Variants in TYRO3 observed in about 807,000 individuals in gnomAD.
TYRO3 encodes tyrosine-protein kinase receptor TYRO3.
Under a neutral mutation model 95.2 loss-of-function variants are expected in TYRO3, and 38 were observed. The ratio of observed to expected loss-of-function variants is 0.40; its 90% CI spans 0.31 to 0.52. The LOEUF is 0.52. TYRO3 is among the 20% of genes least tolerant of loss of function. TYRO3 has a pLI of 0.56. For missense variants in TYRO3, 812 were observed against 1,116.4 expected, an observed-to-expected ratio of 0.73 and a Z score of 3.89; for synonymous variants, 367 against 432.9, an observed-to-expected ratio of 0.85 and a Z score of 1.89.
chr15:41,566,320 T>TAAAAAAAA (rs57924730), intron 6 of TYRO3, among the ~76,000 whole-genome samples: 4 of 40,952 alleles, frequency 9.8e-5, no homozygotes, highest in African/African-American at 4.8e-4. Context: ...CTGTCTCTAT[T>TAAAAAAAA]AAAAAAAAAA....
At chr15:41,571,166 GA>G (rs1250050342) in intron 13 of TYRO3, 48 bp downstream of exon 13, 2 of 1,578,564 alleles carry the variant, frequency 1.3e-6, no homozygotes, top group Admixed American at 1.7e-5. Flanking sequence ...GGAAGGGTAA[GA>G]GGGGCGACTG....
In TYRO3 at chr15:41,583,473, T is replaced by C. The variant is rs1221237530; in HGVS notation, c.*5197T>C. 6.6e-6 allele frequency: 1 copy of C among 152,218 alleles called. No homozygotes were observed. Among genetic ancestry groups the C allele is most frequent in the Non-Finnish European group, 1.5e-5 (1 of 68,048 alleles). The allele number at this position is 152,218 out of a possible 1,614,324, so 9.4% of individuals were successfully genotyped here. On this transcript the variant is annotated 3_prime_UTR_variant, in exon 19 of 19. Transcript: ENST00000263798. ...GTCTCCATTTCTCTATATAGCCTCA[T>C]TGATCTATCTAAACTCCCATATCTA... is the stretch of plus-strand genomic sequence containing the variant.
chr15:41,570,967 G>T (rs2055787848), intron 12 of TYRO3, 71 bp from the exon 13 acceptor site: 1 of 1,500,544 alleles, frequency 6.7e-7, no homozygotes, highest in Non-Finnish European at 9.2e-7. Context: ...CCCATGGAGG[G>T]TCACTTGGGA....
In TYRO3 at chr15:41,577,888, A is replaced by G; in HGVS notation, c.2285A>G (p.Tyr762Cys). Residue 762 changes from tyrosine to cysteine, a missense_variant and splice_region_variant, in exon 19 of 19, where the codon TAT (tyrosine) becomes TGT (cysteine). Transcript: ENST00000263798. The part of the protein sequence containing the change: ...KQPPECMEDV[Y>C]DLMYQCWSAD... The stretch of plus-strand genomic sequence containing the variant: ...TCTCACGCTTCTCTCCACCCCAGGT[A>G]TGATCTCATGTACCAGTGCTGGAGT... 4 of 1,611,498 alleles carry G rather than the reference A, an allele frequency of 2.5e-6. No homozygotes were observed. The highest frequency in any genetic ancestry group is 2.5e-6 in the Non-Finnish European group (3 of 1,179,622).
Position 41,578,145 on chromosome 15 carries a change from C to T in TYRO3, c.2542C>T (p.Arg848Trp), listed in dbSNP as rs1414556984. 25 of 1,613,806 alleles carry T rather than the reference C, an allele frequency of 1.5e-5. No homozygotes were observed. The highest frequency in any genetic ancestry group is 1.9e-5 in the Non-Finnish European group (22 of 1,180,012). The change falls in exon 19 of 19, where the codon CGG becomes TGG. Residue 848 changes from arginine (R) to tryptophan (W), a missense_variant. Coordinates refer to ENST00000263798, the MANE Select transcript of TYRO3 (RefSeq NM_006293.4). Reference sequence around the variant, plus strand: ...AGTGGGTGGCACTCCCAGTGACTGTCGGTACATACTCACCCCCGGAGGGCT... The same window carrying T: ...AGTGGGTGGCACTCCCAGTGACTGTTGGTACATACTCACCCCCGGAGGGCT... ...GAVGGTPSDC[R>W]YILTPGGLAE...
chr15:41,567,316 T>A, intron 6 of TYRO3, 44 bp from the exon 7 acceptor site: 1 of 1,426,702 alleles, frequency 7.0e-7, no homozygotes, highest in Non-Finnish European at 9.2e-7. Context: ...CTTCCATCTC[T>A]CACAGGCTCT....
chr15:41,567,225 G>A, intron 6 of TYRO3, 135 bp from the exon 7 acceptor site: 2 of 608,268 alleles, frequency 3.3e-6, no homozygotes, highest in Non-Finnish European at 5.0e-6. Context: ...TGGGGTGGGG[G>A]CAGATGGGAG....
Position 41,573,355 on chromosome 15 carries a change from G to A in TYRO3, c.2033G>A (p.Arg678Gln), listed in dbSNP as rs776195339. 6.2e-6 allele frequency: 10 copies of A among 1,614,106 alleles called. No homozygotes were observed. Among genetic ancestry groups the A allele is most frequent in the Admixed American group, 3.3e-5 (2 of 60,004 alleles). The change falls in exon 17 of 19, where the codon CGG becomes CAG. Residue 678 changes from arginine (R) to glutamine (Q), a missense_variant. Transcript: ENST00000263798. The part of the protein sequence containing the change: ...TVCVADFGLS[R>Q]KIYSGDYYRQ... ...TGTGTGGCTGACTTCGGACTCTCCC[G>A]GAAGATCTACAGTGGGGACTACTAT...
intron 1 of TYRO3, among the ~76,000 whole-genome samples, chr15:41,560,429 G>GCA: frequency 9.9e-6 from 1 of 101,194 alleles, no homozygotes; most frequent in East Asian, 2.1e-4. Flanking sequence ...GTGTGTGTGT[G>GCA]CGCGCGCGCG....
chr15:41,560,018 C>A (rs564218735), intron 1 of TYRO3, among the ~76,000 whole-genome samples: 1 of 152,202 alleles, frequency 6.6e-6, no homozygotes, highest in Admixed American at 6.5e-5. Context: ...ACGGTGCTCT[C>A]CAAGTTCCCA....
At chr15:41,567,839 A>C (rs1428914324) in intron 7 of TYRO3, among the ~76,000 whole-genome samples, 1 of 152,214 alleles carries the variant, frequency 6.6e-6, no homozygotes, top group East Asian at 1.9e-4. Context: ...ATAAAGAAGA[A>C]GCCATGTAAA....
intron 18 of TYRO3, among the ~76,000 whole-genome samples, chr15:41,575,080 C>T (rs919687001): frequency 6.6e-6 from 1 of 152,230 alleles, no homozygotes; most frequent in Non-Finnish European, 1.5e-5. Flanking sequence ...AAAGAATCTG[C>T]TCCATTTCTT....
intron 1 of TYRO3, among the ~76,000 whole-genome samples, chr15:41,560,755 C>T (rs2055642418): frequency 6.6e-6 from 1 of 152,164 alleles, no homozygotes; most frequent in Non-Finnish European, 1.5e-5. Flanking sequence ...TGGGCTGACA[C>T]CTTGGGTGGA....
At chr15:41,559,659 A>G (rs1335504403) in intron 1 of TYRO3, among the ~76,000 whole-genome samples, 2 of 151,626 alleles carry the variant, frequency 1.3e-5, no homozygotes, top group Admixed American at 6.6e-5. Context: ...AGTGTTTGGG[A>G]CTGCATTTTC....
rs1394420858 is a variant in TYRO3 at position 41,577,900 on chromosome 15, A to G, written c.2297A>G (p.Tyr766Cys). 6.2e-7 allele frequency: 1 copy of G among 1,612,278 alleles called. No homozygotes were observed. The highest frequency in any genetic ancestry group is 1.7e-5 in the Admixed American group (1 of 60,012). Reference protein sequence around the residue: ...ECMEDVYDLMYQCWSADPKQR... With the variant: ...ECMEDVYDLMCQCWSADPKQR... Reference sequence around the variant, plus strand: ...CTCCACCCCAGGTATGATCTCATGTACCAGTGCTGGAGTGCTGACCCCAAG... The same window carrying G: ...CTCCACCCCAGGTATGATCTCATGTGCCAGTGCTGGAGTGCTGACCCCAAG... Residue 766 changes from tyrosine (Y) to cysteine (C), a missense_variant, in exon 19 of 19, where the codon TAC becomes TGC. Transcript: ENST00000263798.
rs2055827896 is a variant in TYRO3 at position 41,573,689 on chromosome 15, G to A, written c.2156G>A (p.Gly719Glu). The change falls in exon 18 of 19, where the codon GGG (glycine) becomes GAG (glutamate). Residue 719 changes from glycine (G) to glutamate (E), a missense_variant. Gly to Glu is a moderately conservative substitution (Grantham distance 98, BLOSUM62 -2). Coordinates refer to ENST00000263798, the MANE Select transcript of TYRO3 (RefSeq NM_006293.4). ...YTVQSDVWAF[G>E]VTMWEIMTRG... ...TCGATTCTGTCCCAGTGGGCGTTCGGGGTGACCATGTGGGAGATCATGACA... is the reference window on the plus strand; with the variant it reads ...TCGATTCTGTCCCAGTGGGCGTTCGAGGTGACCATGTGGGAGATCATGACA... The A allele has an allele frequency of 1.2e-6, 2 of 1,614,264 alleles. No individual in the cohort carries two copies. The highest frequency in any genetic ancestry group is 1.7e-6 in the Non-Finnish European group (2 of 1,180,048).
intron 14 of TYRO3, among the ~76,000 whole-genome samples, chr15:41,572,132 G>A (rs1228080823): frequency 6.6e-6 from 1 of 152,104 alleles, no homozygotes; most frequent in Non-Finnish European, 1.5e-5. Context: ...GAACATTGAG[G>A]CTGCAGTGAG....
rs185795424 is a variant in TYRO3, at chr15:41,570,651, G to A, written c.1531G>A (p.Val511Met). The A allele has an allele frequency of 1.2e-6, 2 of 1,614,228 alleles. No individual in the cohort carries two copies. The highest frequency in any genetic ancestry group is 4.5e-5 in the East Asian group (2 of 44,876). The change falls in exon 12 of 19, where the codon GTG (valine) becomes ATG (methionine). Residue 511 changes from valine (V) to methionine (M), a missense_variant. Transcript: ENST00000263798. ...TGAACTAAAGGAAAAACTGGAGGAT[G>A]TGCTCATCCCAGAGCAGCAGTTCAC... Reference protein sequence around the residue: ...SDELKEKLEDVLIPEQQFTLG... With the variant: ...SDELKEKLEDMLIPEQQFTLG...
chr15:41,565,178 GC>G (rs1566899522), intron 6 of TYRO3, 37 bp downstream of exon 6: 6 of 1,327,922 alleles, frequency 4.5e-6, no homozygotes, highest in Non-Finnish European at 3.2e-6. Context: ...CGTTCTGGCT[GC>G]ATGGCCAGCA....
Sources: gnomAD v4.1 joint callset for allele counts (sites outside exome capture counted in the v4.1 genomes callset) on GRCh38, gnomAD v4.1.1 for gene constraint, MANE v1.5 for transcripts, NCBI Gene and HGNC (gene_info 2026-07-23, HGNC 2026-07-21) for gene names.